The following MAGI2 variants were observed in gnomAD, a reference collection of about 807,000 sequenced individuals.
MAGI2 encodes membrane-associated guanylate kinase, WW and PDZ domain-containing protein 2.
A neutral mutation model predicts 133.3 loss-of-function variants in MAGI2; 35 were observed. The observed-to-expected ratio is 0.26, with a 90% CI of 0.20 to 0.35. The LOEUF (loss-of-function observed/expected upper bound fraction) is 0.35, where lower values mean the gene tolerates loss of function less well. Ranked by LOEUF, MAGI2 falls within the 10% of genes least tolerant of loss-of-function variation. The pLI is 1.00. For synonymous variants in MAGI2, 729 were observed against 710.6 expected, an observed-to-expected ratio of 1.03 and a Z score of -0.41; for missense variants, 1,636 against 1,863.4, an observed-to-expected ratio of 0.88 and a Z score of 2.25.
chr7:78,621,686 T>G (rs1157903833), intron 3 of MAGI2, among the ~76,000 whole-genome samples: 2 of 151,994 alleles, frequency 1.3e-5, no homozygotes, highest in Admixed American at 1.3e-4. Context: ...TAAAGCACAT[T>G]AAGCCCTTCC....
intron 2 of MAGI2, among the ~76,000 whole-genome samples, chr7:78,633,656 A>G (rs1415525639): frequency 6.8e-6 from 1 of 148,122 alleles, no homozygotes; most frequent in Non-Finnish European, 1.5e-5. Context: ...CAGTGAGCAG[A>G]GATCGCGCCA....
intron 14 of MAGI2, among the ~76,000 whole-genome samples, chr7:78,171,301 T>G (rs966211246): frequency 6.6e-6 from 1 of 152,250 alleles, no homozygotes; most frequent in Non-Finnish European, 1.5e-5. Context: ...ATTCTCATGT[T>G]GCTTAAGCTT....
chr7:79,057,787 G>T (rs1157512557), intron 1 of MAGI2, among the ~76,000 whole-genome samples: 1 of 152,094 alleles, frequency 6.6e-6, no homozygotes, highest in Non-Finnish European at 1.5e-5. Flanking sequence ...AATCTGAAGA[G>T]CATGTTAAAG....
At chr7:78,344,176 A>G (rs1297673786) in intron 8 of MAGI2, among the ~76,000 whole-genome samples, 4 of 152,138 alleles carry the variant, frequency 2.6e-5, no homozygotes, top group Non-Finnish European at 5.9e-5. Context: ...AAGATGAAAA[A>G]GCTGTTTGGT....
chr7:78,856,284 T>G (rs1276889474), intron 2 of MAGI2, among the ~76,000 whole-genome samples: 1 of 152,246 alleles, frequency 6.6e-6, no homozygotes, highest in Admixed American at 6.5e-5. Flanking sequence ...TTTTGGCTTC[T>G]GTTGCCATTG....
At chr7:78,178,172 C>G in intron 13 of MAGI2, 70 bp from the exon 14 acceptor site, 3 of 937,724 alleles carry the variant, frequency 3.2e-6, no homozygotes, top group Non-Finnish European at 5.2e-6. Flanking sequence ...ACTGAACATA[C>G]CAATGATAAA....
intron 9 of MAGI2, among the ~76,000 whole-genome samples, chr7:78,336,744 A>G (rs1412129158): frequency 6.6e-6 from 1 of 152,080 alleles, no homozygotes; most frequent in Non-Finnish European, 1.5e-5. Flanking sequence ...GATGAAAAGA[A>G]GAAAGAAGAG....
chr7:79,214,401 CTCTCTCTATATATATATATA>C (rs1719522336), intron 1 of MAGI2, among the ~76,000 whole-genome samples: 3 of 56,086 alleles, frequency 5.3e-5, no homozygotes, highest in African/African-American at 2.5e-4. Context: ...CTCTCTCTCT[CTCTCTCTATATATATATATA>C]TATATATATA....
chr7:78,192,712 T>C (rs1215877634), intron 12 of MAGI2, among the ~76,000 whole-genome samples: 1 of 152,162 alleles, frequency 6.6e-6, no homozygotes, highest in Non-Finnish European at 1.5e-5. Context: ...AGAAATGTGA[T>C]AGAAAAGAGA....
At chr7:78,757,920 C>T (rs780024777) in intron 2 of MAGI2, among the ~76,000 whole-genome samples, 4 of 152,102 alleles carry the variant, frequency 2.6e-5, no homozygotes, top group South Asian at 4.1e-4. Context: ...AATTCCAGAA[C>T]GATACACCCA....
At chr7:79,393,618 G>C (rs1322484656) in intron 1 of MAGI2, among the ~76,000 whole-genome samples, 1 of 152,084 alleles carries the variant, frequency 6.6e-6, no homozygotes, top group Non-Finnish European at 1.5e-5. Context: ...TTAACATTTG[G>C]AAGCAAATTT....
At chr7:78,643,325 A>G (rs894038222) in intron 2 of MAGI2, among the ~76,000 whole-genome samples, 2 of 152,176 alleles carry the variant, frequency 1.3e-5, no homozygotes, top group Admixed American at 6.5e-5. Flanking sequence ...GGAAGCTACA[A>G]ATATTTAAAA....
chr7:78,593,254 T>C (rs887627917), intron 3 of MAGI2, among the ~76,000 whole-genome samples: 3 of 151,760 alleles, frequency 2.0e-5, no homozygotes, highest in Non-Finnish European at 2.9e-5. Flanking sequence ...TAGCCAGGCT[T>C]GGTGGCGGGC....
At chr7:78,905,644 C>T (rs183707307) in intron 2 of MAGI2, among the ~76,000 whole-genome samples, 56 of 152,266 alleles carry the variant, frequency 3.7e-4, no homozygotes, top group African/African-American at 1.3e-3. Flanking sequence ...AGAGCAGAGA[C>T]AGCTGGAATG....
intron 1 of MAGI2, among the ~76,000 whole-genome samples, chr7:79,084,402 A>G (rs1391806255): frequency 1.3e-5 from 2 of 151,376 alleles, no homozygotes; most frequent in South Asian, 2.1e-4. Context: ...TTCTTTTTTG[A>G]CTCACTAATT....
At chr7:79,279,781 C>G (rs540573531) in intron 1 of MAGI2, among the ~76,000 whole-genome samples, 1 of 152,200 alleles carries the variant, frequency 6.6e-6, no homozygotes, top group Non-Finnish European at 1.5e-5. Flanking sequence ...TTAACTTCTT[C>G]AGTTCAAATT....
intron 6 of MAGI2, among the ~76,000 whole-genome samples, chr7:78,425,787 G>A (rs1799221955): frequency 6.6e-6 from 1 of 152,176 alleles, no homozygotes; most frequent in African/African-American, 2.4e-5. Flanking sequence ...TAAAGTAAGA[G>A]GCATATCATT....
intron 3 of MAGI2, among the ~76,000 whole-genome samples, chr7:78,552,176 CTTTTTTTTT>C (rs869196799): frequency 1.1e-5 from 1 of 90,348 alleles, no homozygotes; most frequent in Non-Finnish European, 2.1e-5. Context: ...ATTTGTTTTC[CTTTTTTTTT>C]TTTTTTTTTT....
At chr7:78,483,355 A>G (rs893349833) in intron 6 of MAGI2, among the ~76,000 whole-genome samples, 8 of 151,952 alleles carry the variant, frequency 5.3e-5, no homozygotes, top group African/African-American at 1.9e-4. Context: ...AACTTGAGCA[A>G]CTAAGAAACA....
Sources: gnomAD v4.1 joint callset for allele counts (sites outside exome capture counted in the v4.1 genomes callset) on GRCh38, gnomAD v4.1.1 for gene constraint, MANE v1.5 for transcripts, NCBI Gene and HGNC (gene_info 2026-07-23, HGNC 2026-07-21) for gene names.